Variants in GALC observed in about 807,000 individuals in gnomAD.
GALC encodes the protein galactosylceramidase, also known as galactocerebrosidase.
GALC carries 77 observed loss-of-function variants against 91.8 expected under a neutral mutation model. That is an observed-to-expected ratio of 0.84 (90% CI 0.70 to 1.01). GALC has a LOEUF of 1.01. Ranked by LOEUF, GALC falls within the 50% of genes least tolerant of loss-of-function variation. The pLI, the probability that GALC is intolerant of heterozygous loss-of-function variation, is 0.00. For synonymous variants in GALC, 357 were observed against 306.7 expected (o/e 1.16, Z -1.71); for missense variants, 882 against 855.9 (o/e 1.03, Z -0.38).
At chr14:87,988,792 C>T (rs1313853008) in intron 1 of GALC, among the ~76,000 whole-genome samples, 2 of 152,292 alleles carry the variant, frequency 1.3e-5, no homozygotes, top group East Asian at 1.9e-4. Context: ...TGATCACAAA[C>T]TTATCTTGAA....
intron 9 of GALC, 137 bp from the exon 10 acceptor site, chr14:87,963,648 C>T (rs949254529): frequency 2.9e-5 from 20 of 693,068 alleles, no homozygotes; most frequent in South Asian, 7.0e-5. Context: ...GGAATATATC[C>T]GTCAACCTCA....
intron 16 of GALC, among the ~76,000 whole-genome samples, chr14:87,936,153 G>A (rs1884557612): frequency 6.6e-6 from 1 of 151,962 alleles, no homozygotes; most frequent in African/African-American, 2.4e-5. Context: ...CTGCCACTTG[G>A]TCTGCTCAAA....
At chr14:87,945,280 T>G (rs528695984) in intron 14 of GALC, among the ~76,000 whole-genome samples, 7 of 152,128 alleles carry the variant, frequency 4.6e-5, no homozygotes, top group African/African-American at 1.4e-4. Context: ...TATAATTGGG[T>G]CCAAAAGTCC....
At chr14:87,953,344 A>T (rs1366212352) in intron 10 of GALC, 1 of 1,421,840 alleles carries the variant, frequency 7.0e-7, no homozygotes, top group Non-Finnish European at 9.9e-7. Context: ...GAAGATAAGA[A>T]TATCTGAAGA....
At chr14:87,993,299 G>A, upstream of GALC, 1 of 1,537,832 alleles carries the variant, frequency 6.5e-7, no homozygotes, top group Admixed American at 2.0e-5. Flanking sequence ...GACGCAGCTG[G>A]CGGAGTGTTG....
intron 10 of GALC, among the ~76,000 whole-genome samples, chr14:87,962,565 G>A (rs1885849878): frequency 6.8e-6 from 1 of 147,282 alleles, no homozygotes; most frequent in South Asian, 2.2e-4. Flanking sequence ...CTGACATTCA[G>A]AACCTGATAT....
At chr14:87,969,187 T>G (rs1886179912) in intron 7 of GALC, among the ~76,000 whole-genome samples, 1 of 152,164 alleles carries the variant, frequency 6.6e-6, no homozygotes, top group Non-Finnish European at 1.5e-5. Context: ...TCTGTAGACA[T>G]TTTTTTCAAC....
chr14:87,938,409 C>T (rs1365889049), intron 16 of GALC, among the ~76,000 whole-genome samples: 2 of 151,912 alleles, frequency 1.3e-5, no homozygotes, highest in African/African-American at 4.8e-5. Context: ...GTAGCTGTAT[C>T]ATCAAAGCTT....
intron 10 of GALC, among the ~76,000 whole-genome samples, chr14:87,960,612 C>A (rs1885761011): frequency 6.6e-6 from 1 of 152,132 alleles, no homozygotes; most frequent in Non-Finnish European, 1.5e-5. Context: ...CAGTGTGGTG[C>A]TCACGTCAGG....
intron 10 of GALC, chr14:87,954,071 C>G: frequency 6.2e-7 from 1 of 1,609,796 alleles, no homozygotes. Context: ...CAACATTTAG[C>G]AGTCAGTTAT....
chr14:87,982,325 C>T, intron 5 of GALC, 82 bp from the exon 6 acceptor site: 1 of 913,394 alleles, frequency 1.1e-6, no homozygotes, highest in Non-Finnish European at 1.8e-6. Context: ...TACCATTTCT[C>T]TCATCATCTT....
At position 87,988,125 on chromosome 14, in the gene GALC, A is replaced by G. The variant is rs74337989; in HGVS notation, c.328+19T>C. ...TTAAAATGTTGATGGGAGAAATCCT[A>G]TCTCCCAAATTCTCCTACCTGTTGT... On this transcript the variant is annotated intron_variant, in intron 3 of 16. Transcript: ENST00000261304. 35 of 1,595,790 alleles carry G rather than the reference A, an allele frequency of 2.2e-5. No individual in the cohort carries two copies. Among genetic ancestry groups the G allele is most frequent in the Non-Finnish European group, 2.8e-5 (33 of 1,163,626 alleles).
intron 7 of GALC, among the ~76,000 whole-genome samples, chr14:87,972,936 G>A (rs1358989130): frequency 1.3e-5 from 2 of 151,952 alleles, no homozygotes; most frequent in Non-Finnish European, 2.9e-5. Context: ...CATTAAGAGA[G>A]CATATACTAT....
At chr14:87,973,886 C>T (rs1478724141) in intron 7 of GALC, among the ~76,000 whole-genome samples, 2 of 152,088 alleles carry the variant, frequency 1.3e-5, no homozygotes, top group African/African-American at 4.8e-5. Context: ...GCCAAATGTC[C>T]GTCTGGGAGG....
Position 87,977,548 on chromosome 14 carries a change from G to T in GALC, c.622-1060C>A, listed in dbSNP as rs753048244. Among the ~76,000 whole-genome samples the T allele has an allele frequency of 2.6e-4, 40 of 152,122 alleles. 1 individual carries two copies. The highest frequency in any genetic ancestry group is 4.1e-4 in the South Asian group (2 of 4,826). On this transcript the variant is annotated intron_variant, in intron 6 of 16. Coordinates refer to ENST00000261304, the MANE Select transcript of GALC (RefSeq NM_000153.4). ...GAAAAGGAGACATCATTTTACTCAG[G>T]ATCAGGAAGATCAGATTTCATACCA...
intron 10 of GALC, chr14:87,954,634 C>A: frequency 6.3e-7 from 1 of 1,581,944 alleles, no homozygotes; most frequent in Non-Finnish European, 8.7e-7. Context: ...ACTTAGCAAC[C>A]CACCTAGAGG....
chr14:87,992,184 A>T, intron 1 of GALC: 3 of 1,026,004 alleles, frequency 2.9e-6, no homozygotes, highest in Non-Finnish European at 4.4e-6. Context: ...AGTTGAATGT[A>T]AGGATGCAAG....
chr14:87,943,787 A>T (rs1884957478), intron 14 of GALC, among the ~76,000 whole-genome samples: 1 of 152,004 alleles, frequency 6.6e-6, no homozygotes. Flanking sequence ...AGAAATGAAC[A>T]AGGGATTTGT....
At chr14:87,980,641 G>T in intron 6 of GALC, 3 of 216,094 alleles carry the variant, frequency 1.4e-5, no homozygotes, top group African/African-American at 2.3e-5. Context: ...AGGGAGAGGT[G>T]TCATCTCCTC....
Sources: gnomAD v4.1 joint callset for allele counts (sites outside exome capture counted in the v4.1 genomes callset) on GRCh38, gnomAD v4.1.1 for gene constraint, MANE v1.5 for transcripts, NCBI Gene and HGNC (gene_info 2026-07-23, HGNC 2026-07-21) for gene names.